PEX19: variants seen among roughly 807,000 people sequenced by gnomAD.
PEX19 encodes 33 kDa housekeeping protein.
PEX19 carries 29 observed loss-of-function variants against 36.3 expected under a neutral mutation model. The ratio of observed to expected loss-of-function variants is 0.80; its 90% CI spans 0.60 to 1.09. The LOEUF is 1.09. Among genes scored for constraint, PEX19 ranks in the 50% least tolerant of loss-of-function variants. PEX19 has a pLI of 0.00. For synonymous variants in PEX19, 141 were observed against 135.2 expected (o/e 1.04, Z -0.30); for missense variants, 396 against 368.1 (o/e 1.08, Z -0.62).
Position 160,279,427 on chromosome 1 carries a change from G to A in PEX19, c.*124C>T. 1 of 811,098 alleles carries A rather than the reference G, an allele frequency of 1.2e-6. No individual in the cohort carries two copies. The allele number at this position is 811,098 out of a possible 1,614,324, so 50.2% of individuals were successfully genotyped here. The stretch of plus-strand genomic sequence containing the variant: ...CAGCTGGTATGGCACAATCTTGAAT[G>A]GGATGACAGAGGGCAGCGGGCAGAC... On this transcript the variant is annotated 3_prime_UTR_variant, in exon 8 of 8. Coordinates refer to ENST00000368072, the MANE Select transcript of PEX19 (RefSeq NM_002857.4).
In PEX19 at chr1:160,283,554, CTT is replaced by C. The variant is rs2101805706; in HGVS notation, c.154_155del (p.Lys52GlufsTer26). The part of the protein sequence containing the change: ...TTAPDASGPQ[K>X]RSPGDTAKDA... ...CTTTGGCAGTGTCTCCTGGCGATCT[CTT>C]CTGGGGCCCCGAAGCATCAGGGGCC... On this transcript the variant is annotated frameshift_variant, in exon 2 of 8. Transcript: ENST00000368072. LOFTEE classifies it high-confidence loss of function. The C allele has an allele frequency of 2.5e-6, 4 of 1,613,836 alleles. No individual in the cohort carries two copies. The East Asian group carries it at 8.9e-5, about 36-fold the overall frequency.
chr1:160,278,570 T>C lies in PEX19; in HGVS notation c.*981A>G, dbSNP rs1657631605. Reference sequence around the variant, plus strand: ...TACCCCTACTCCTTTTCCAAGCTACTTTCCTGAACCAAGGGACAGGATTCT... The same window carrying C: ...TACCCCTACTCCTTTTCCAAGCTACCTTCCTGAACCAAGGGACAGGATTCT... On this transcript the variant is annotated 3_prime_UTR_variant, in exon 8 of 8. Transcript: ENST00000368072. The C allele has an allele frequency of 4.4e-6, 2 of 459,548 alleles. No individual in the cohort carries two copies. The highest frequency in any genetic ancestry group is 4.0e-5 in the African/African-American group (2 of 50,264). 28.5% of individuals were successfully genotyped at this position (459,548 alleles called of 1,614,324 possible). A position where few individuals can be genotyped will look rare whatever the true frequency, so the allele number is the denominator to read the frequency against.
Position 160,277,155 on chromosome 1 carries a change from G to T in PEX19, c.*2396C>A. 2.2e-6 allele frequency: 1 copy of T among 454,444 alleles called. No individual in the cohort carries two copies. Among genetic ancestry groups the T allele is most frequent in the Middle Eastern group, 4.5e-4 (1 of 2,244 alleles). 28.2% of individuals were successfully genotyped at this position (454,444 alleles called of 1,614,324 possible). ...GAGAGACCGAGGGCCCCAAAACAGT[G>T]CTACTCAAAGATGATCTGCAGACTT... On this transcript the variant is annotated 3_prime_UTR_variant, in exon 8 of 8. Transcript: ENST00000368072.
At chr1:160,283,470 C>A in intron 2 of PEX19, 60 bp downstream of exon 2, 3 of 1,281,984 alleles carry the variant, frequency 2.3e-6, no homozygotes, top group Middle Eastern at 2.1e-4. Flanking sequence ...GCCTGCCCAA[C>A]CTCTGCTCAG....
Position 160,279,604 on chromosome 1 carries a change from G to A in PEX19, c.847C>T (p.Leu283Phe). 9.3e-6 allele frequency: 15 copies of A among 1,614,192 alleles called. No individual in the cohort carries two copies. The highest frequency in any genetic ancestry group is 1.2e-5 in the Non-Finnish European group (14 of 1,180,014). The change falls in exon 8 of 8, where the codon CTC (leucine) becomes TTC (phenylalanine). Residue 283 changes from leucine to phenylalanine, a missense_variant. Transcript: ENST00000368072. ...GCACCTGGTGGGCCCGAAAGATTGA[G>A]GGCATCCAGGTCAAAGTTGAGGCCA... The part of the protein sequence containing the change: ...PPGLNFDLDA[L>F]NLSGPPGASG...
At position 160,278,549 on chromosome 1, in the gene PEX19, C is replaced by T. The variant is rs41265789; in HGVS notation, c.*1002G>A. ...CAGGAAAAGGGACCCAAGCTATACC[C>T]CTACTCCTTTTCCAAGCTACTTTCC... On this transcript the variant is annotated 3_prime_UTR_variant, in exon 8 of 8. Coordinates refer to ENST00000368072, the MANE Select transcript of PEX19 (RefSeq NM_002857.4). 4 of 465,054 alleles carry T rather than the reference C, an allele frequency of 8.6e-6. No individual in the cohort carries two copies. The highest frequency in any genetic ancestry group is 1.7e-5 in the Non-Finnish European group (4 of 234,400). The allele number at this position is 465,054 out of a possible 1,614,324, so 28.8% of individuals were successfully genotyped here.
chr1:160,281,455 C>A (rs1213635955), intron 5 of PEX19, among the ~76,000 whole-genome samples: 1 of 152,204 alleles, frequency 6.6e-6, no homozygotes, highest in East Asian at 1.9e-4. Context: ...GTCACCCAGG[C>A]CGGAGTACAG....
At chr1:160,284,809 G>T (rs571429869) in intron 1 of PEX19, among the ~76,000 whole-genome samples, 2 of 152,266 alleles carry the variant, frequency 1.3e-5, no homozygotes, top group Non-Finnish European at 2.9e-5. Context: ...ATCATGAAAC[G>T]CCGTCCTGCG....
In PEX19 at chr1:160,279,845, G is replaced by A; in HGVS notation, c.772C>T (p.Leu258=). 1 of 1,611,962 alleles carries A rather than the reference G, an allele frequency of 6.2e-7. No homozygotes were observed. Among genetic ancestry groups the A allele is most frequent in the Non-Finnish European group, 8.5e-7 (1 of 1,178,002 alleles). The stretch of plus-strand genomic sequence containing the variant: ...TTTGGAGGATGGCCTAAATCTTGTA[G>A]CTAGAAAATAAGGAAAATGGAACAT... ...FEMVLDLMQQ[L]QDLGHPPKEL... is the part of the protein sequence containing the mutation. The change falls in exon 7 of 8, where the codon CTA becomes TTA. Residue 258 remains leucine (L), a splice_region_variant and synonymous_variant. Transcript: ENST00000368072.
chr1:160,282,992 G>A lies in PEX19; in HGVS notation c.298C>T (p.His100Tyr). The A allele has an allele frequency of 6.2e-7, 1 of 1,614,192 alleles. No homozygotes were observed. The highest frequency in any genetic ancestry group is 1.1e-5 in the South Asian group (1 of 91,086). ...AMKELAEEEP[H>Y]LVEQFQKLSE... ...AGCTTTTGGAACTGCTCCACCAGGT[G>A]GGGTTCTTCCTCAGCCAACTCCTTC... Residue 100 changes from histidine (H) to tyrosine (Y), a missense_variant, in exon 3 of 8, where the codon CAC (histidine) becomes TAC (tyrosine). Coordinates refer to ENST00000368072, the MANE Select transcript of PEX19 (RefSeq NM_002857.4).
rs749969623 is a variant in PEX19, at chr1:160,279,113, C to G, written c.*438G>C. ...TTCTCCCCATTCTCAAAGGCTCTGCCAGGAGAACTATAGAAATACAGAGTC... is the reference window on the plus strand; with the variant it reads ...TTCTCCCCATTCTCAAAGGCTCTGCGAGGAGAACTATAGAAATACAGAGTC... On this transcript the variant is annotated 3_prime_UTR_variant, in exon 8 of 8. Coordinates refer to ENST00000368072, the MANE Select transcript of PEX19 (RefSeq NM_002857.4). 2.2e-6 allele frequency: 1 copy of G among 453,564 alleles called. No individual in the cohort carries two copies. The highest frequency in any genetic ancestry group is 4.4e-6 in the Non-Finnish European group (1 of 226,816). The allele number at this position is 453,564 out of a possible 1,614,324, so 28.1% of individuals were successfully genotyped here.
chr1:160,279,660 A>T lies in PEX19; in HGVS notation c.817-26T>A, dbSNP rs765498696. 3 of 1,593,882 alleles carry T rather than the reference A, an allele frequency of 1.9e-6. No homozygotes were observed. In the African/African-American group the frequency reaches 4.0e-5, roughly 21 times the overall value. On this transcript the variant is annotated intron_variant, in intron 7 of 7. Transcript: ENST00000368072. ...CTGGGGAAGAGATGAAGGGACTCAG[A>T]TAGTTGCTCATTTTTTAGGACAGAC...
intron 1 of PEX19, 43 bp from the exon 2 acceptor site, chr1:160,283,682 A>C: frequency 6.9e-7 from 1 of 1,441,824 alleles, no homozygotes; most frequent in Middle Eastern, 1.7e-4. Flanking sequence ...GCGACAGATG[A>C]GAATGCAAGC....
chr1:160,279,564 C>T lies in PEX19; in HGVS notation c.887G>A (p.Cys296Tyr), dbSNP rs1326449698. ...ACGTGTTGTGTTTCACATGATCAGA[C>T]ACTGTTCACCACTGGCACCTGGTGG... ...SGPPGASGEQ[C>Y]LIM The change falls in exon 8 of 8, where the codon TGT becomes TAT. Residue 296 changes from cysteine (C) to tyrosine (Y), a missense_variant. By Grantham distance (194) the Cys-to-Tyr change is radical (BLOSUM62 -2). Transcript: ENST00000368072. The T allele has an allele frequency of 6.2e-7, 1 of 1,613,752 alleles. No individual in the cohort carries two copies. The highest frequency in any genetic ancestry group is 1.7e-5 in the Admixed American group (1 of 60,030).
At chr1:160,279,880 A>G in intron 6 of PEX19, 35 bp from the exon 7 acceptor site, 1 of 1,562,754 alleles carries the variant, frequency 6.4e-7, no homozygotes. Context: ...TGAAATAGAG[A>G]AAAGCCCAGA....
chr1:160,284,393 C>T (rs1410292439), intron 1 of PEX19, among the ~76,000 whole-genome samples: 1 of 152,166 alleles, frequency 6.6e-6, no homozygotes, highest in African/African-American at 2.4e-5. Flanking sequence ...AGGGAGAGAG[C>T]ACTGGCCCTA....
chr1:160,280,049 G>A (rs1657704822), intron 6 of PEX19, 21 bp downstream of exon 6: 3 of 1,608,884 alleles, frequency 1.9e-6, no homozygotes, highest in Admixed American at 3.3e-5. Context: ...GCACCAGTGG[G>A]CAGAAGGCAA....
chr1:160,281,003 T>C (rs543933587), intron 5 of PEX19, among the ~76,000 whole-genome samples: 1 of 152,286 alleles, frequency 6.6e-6, no homozygotes, highest in African/African-American at 2.4e-5. Flanking sequence ...ATTTTATCTC[T>C]CCAGTAAAAC....
Position 160,279,277 on chromosome 1 carries a change from G to T in PEX19, c.*274C>A, listed in dbSNP as rs1268679329. 1.6e-6 allele frequency: 1 copy of T among 629,768 alleles called. No individual in the cohort carries two copies. The highest frequency in any genetic ancestry group is 2.9e-6 in the Non-Finnish European group (1 of 340,610). The allele number at this position is 629,768 out of a possible 1,614,324, so 39.0% of individuals were successfully genotyped here. A position where few individuals can be genotyped will look rare whatever the true frequency, so the allele number is the denominator to read the frequency against. ...AGGAAAGAAAGTGCATGCCCCAAAA[G>T]GGATGCCTTCCTTCACCTTGCAGGT... On this transcript the variant is annotated 3_prime_UTR_variant, in exon 8 of 8. Coordinates refer to ENST00000368072, the MANE Select transcript of PEX19 (RefSeq NM_002857.4).
Sources: gnomAD v4.1 joint callset for allele counts (sites outside exome capture counted in the v4.1 genomes callset) on GRCh38, gnomAD v4.1.1 for gene constraint, MANE v1.5 for transcripts, NCBI Gene and HGNC (gene_info 2026-07-23, HGNC 2026-07-21) for gene names.